Variants in SAMSN1 observed in about 807,000 individuals in gnomAD.
SAMSN1 encodes the protein SAM domain-containing protein SAMSN-1.
A neutral mutation model predicts 42.0 loss-of-function variants in SAMSN1; 31 were observed. The ratio of observed to expected loss-of-function variants is 0.74; its 90% CI spans 0.55 to 1.00. SAMSN1 has a LOEUF of 1.00. SAMSN1 is among the 50% of genes least tolerant of loss of function. The pLI, the probability that SAMSN1 is intolerant of heterozygous loss-of-function variation, is 0.00. For synonymous variants in SAMSN1, 178 were observed against 151.9 expected (o/e 1.17, Z -1.26); for missense variants, 464 against 439.4 (o/e 1.06, Z -0.50).
chr21:14,531,426 T>A (rs1979260952), intron 1 of SAMSN1, among the ~76,000 whole-genome samples: 1 of 152,050 alleles, frequency 6.6e-6, no homozygotes, highest in African/African-American at 2.4e-5. Flanking sequence ...AGTAACATTA[T>A]TAGCTAAGTT....
intron 5 of SAMSN1, among the ~76,000 whole-genome samples, chr21:14,606,473 TCA>T (rs1982573960): frequency 6.6e-6 from 1 of 152,128 alleles, no homozygotes; most frequent in South Asian, 2.1e-4. Context: ...AAACTCCAAT[TCA>T]CAGATTCAAA....
chr21:14,552,311 C>T (rs1423647133), intron 2 of SAMSN1, among the ~76,000 whole-genome samples: 1 of 151,982 alleles, frequency 6.6e-6, no homozygotes, highest in Non-Finnish European at 1.5e-5. Flanking sequence ...TTATGAAATT[C>T]CTTTCTATGA....
chr21:14,597,225 T>C (rs1410521474), intron 6 of SAMSN1, among the ~76,000 whole-genome samples: 7 of 152,074 alleles, frequency 4.6e-5, no homozygotes, highest in Non-Finnish European at 1.0e-4. Flanking sequence ...TGCTTGTTAA[T>C]ATATCACAGC....
At chr21:14,577,282 A>ATTTTTTTTT (rs1226237508) in intron 2 of SAMSN1, among the ~76,000 whole-genome samples, 1 of 50,510 alleles carries the variant, frequency 2.0e-5, no homozygotes, top group African/African-American at 1.1e-4. Flanking sequence ...ATATATATAT[A>ATTTTTTTTT]TATTTTTTTT....
intron 1 of SAMSN1, 33 bp downstream of exon 1, chr21:14,546,172 G>C: frequency 1.3e-6 from 2 of 1,561,678 alleles, no homozygotes; most frequent in Non-Finnish European, 1.8e-6. Flanking sequence ...TAAATAGTTT[G>C]ATTTTATTTA....
At chr21:14,492,702 C>T (rs998083268) in intron 7 of SAMSN1, among the ~76,000 whole-genome samples, 1 of 152,136 alleles carries the variant, frequency 6.6e-6, no homozygotes, top group East Asian at 1.9e-4. Flanking sequence ...AATCCTTATA[C>T]TTTATTTTAT....
At chr21:14,582,528 T>C (rs2822788) in intron 1 of SAMSN1, 29,786 of 723,800 alleles carry the variant, frequency 0.041, 2,358 homozygotes, top group African/African-American at 0.27. Context: ...ATGATTATAA[T>C]TCTTCACATA....
chr21:14,626,503 T>A (rs1007576686), intron 2 of SAMSN1, among the ~76,000 whole-genome samples: 1 of 152,132 alleles, frequency 6.6e-6, no homozygotes, highest in African/African-American at 2.4e-5. Flanking sequence ...AGAAGACATT[T>A]ATGCAGCCAA....
intron 2 of SAMSN1, among the ~76,000 whole-genome samples, chr21:14,623,399 C>T (rs916670728): frequency 1.1e-4 from 17 of 152,146 alleles, no homozygotes; most frequent in African/African-American, 4.1e-4. Flanking sequence ...TGCAGAGACA[C>T]ACATAGGCTC....
intron 1 of SAMSN1, among the ~76,000 whole-genome samples, chr21:14,526,112 C>A (rs573130483): frequency 6.6e-6 from 1 of 152,288 alleles, no homozygotes; most frequent in South Asian, 2.1e-4. Context: ...AGGCAATTCG[C>A]CCGCCTTGGC....
chr21:14,627,980 C>G (rs456278), intron 2 of SAMSN1, among the ~76,000 whole-genome samples: 25,818 of 151,976 alleles, frequency 0.17, 2,828 homozygotes, highest in African/African-American at 0.32. Context: ...TATCCTCACC[C>G]AAAAAGTGAG....
intron 6 of SAMSN1, among the ~76,000 whole-genome samples, chr21:14,596,793 A>C (rs549659945): frequency 8.5e-5 from 13 of 152,138 alleles, no homozygotes; most frequent in Non-Finnish European, 1.6e-4. Flanking sequence ...AAGCCTTCAG[A>C]TAACACCTTG....
At chr21:14,596,589 T>G (rs2123286913) in intron 6 of SAMSN1, among the ~76,000 whole-genome samples, 1 of 152,322 alleles carries the variant, frequency 6.6e-6, no homozygotes, top group South Asian at 2.1e-4. Flanking sequence ...TAAAAGGAAT[T>G]GTGGCCTCTT....
intron 1 of SAMSN1, chr21:14,523,148 C>T (rs1008021530): frequency 6.6e-6 from 1 of 152,058 alleles, no homozygotes; most frequent in Non-Finnish European, 1.5e-5. Context: ...GAAATCACAG[C>T]CCATTTTAGT....
chr21:14,596,054 A>T (rs557996167), intron 6 of SAMSN1, among the ~76,000 whole-genome samples: 1 of 152,288 alleles, frequency 6.6e-6, no homozygotes, highest in South Asian at 2.1e-4. Flanking sequence ...AGAATCAAGT[A>T]TTTCCTCTTT....
chr21:14,603,965 T>G (rs1982503536), intron 5 of SAMSN1, among the ~76,000 whole-genome samples: 1 of 152,166 alleles, frequency 6.6e-6, no homozygotes, highest in Non-Finnish European at 1.5e-5. Context: ...TTCCTGATTT[T>G]TAAAACGCCA....
intron 6 of SAMSN1, chr21:14,601,917 C>CTT: frequency 2.5e-6 from 1 of 408,064 alleles, no homozygotes; most frequent in Non-Finnish European, 4.6e-6. Context: ...TAAATAGAAA[C>CTT]TAGCTAAAAG....
intron 2 of SAMSN1, among the ~76,000 whole-genome samples, chr21:14,580,315 G>T (rs60897525): frequency 1.3e-5 from 2 of 152,190 alleles, no homozygotes; most frequent in African/African-American, 4.8e-5. Context: ...AAATTAGATT[G>T]AGTCCAGACT....
chr21:14,609,079 T>C (rs952092029), intron 5 of SAMSN1, among the ~76,000 whole-genome samples: 4 of 152,136 alleles, frequency 2.6e-5, no homozygotes, highest in Admixed American at 6.5e-5. Context: ...GTTATTTCTC[T>C]TAAATTTTTT....
Sources: allele counts gnomAD v4.1 joint callset (sites outside exome capture counted in the v4.1 genomes callset), GRCh38; gene constraint gnomAD v4.1.1; transcripts MANE v1.5; gene names NCBI Gene and HGNC (gene_info 2026-07-23, HGNC 2026-07-21).